The following KCNN2 variants were observed in gnomAD, a reference collection of about 807,000 sequenced individuals.
KCNN2 encodes small conductance calcium-activated potassium channel protein 2.
KCNN2 carries 24 observed loss-of-function variants against 55.5 expected under a neutral mutation model. The observed-to-expected ratio is 0.43, with a 90% CI of 0.31 to 0.61. The LOEUF is 0.61. Ranked by LOEUF, KCNN2 falls within the 20% of genes least tolerant of loss-of-function variation. The pLI, the probability that KCNN2 is intolerant of heterozygous loss-of-function variation, is 0.08. For synonymous variants in KCNN2, 431 were observed against 336.1 expected (o/e 1.28, Z -3.09); for missense variants, 754 against 853.6 (o/e 0.88, Z 1.45).
chr5:114,165,891 C>T (rs886715509), intron 1 of KCNN2, among the ~76,000 whole-genome samples: 2 of 151,992 alleles, frequency 1.3e-5, no homozygotes, highest in Non-Finnish European at 2.9e-5. Context: ...TGGGGGTTGG[C>T]GTCCCTAACC....
chr5:114,115,284 C>T (rs1751688186), intron 1 of KCNN2, among the ~76,000 whole-genome samples: 1 of 152,082 alleles, frequency 6.6e-6, no homozygotes, highest in Non-Finnish European at 1.5e-5. Context: ...TCCTTATTAA[C>T]TTGCTTTTTA....
chr5:114,238,971 C>T (rs969489912), intron 2 of KCNN2, among the ~76,000 whole-genome samples: 1 of 152,028 alleles, frequency 6.6e-6, no homozygotes, highest in African/African-American at 2.4e-5. Context: ...CATCTCATCT[C>T]CTGGTGGTAC....
At chr5:114,361,049 C>T (rs889621334), upstream of KCNN2, 10 of 152,444 alleles carry the variant, frequency 6.6e-5, no homozygotes, top group Admixed American at 4.6e-4. Flanking sequence ...GCAAGGAAGC[C>T]CTGGGACCTC....
intron 2 of KCNN2, among the ~76,000 whole-genome samples, chr5:114,223,821 G>C (rs1388595976): frequency 6.6e-6 from 1 of 152,176 alleles, no homozygotes; most frequent in Non-Finnish European, 1.5e-5. Context: ...TGCTGCCTCA[G>C]GAATGCAACA....
At chr5:114,256,809 T>A (rs1754991893) in intron 2 of KCNN2, among the ~76,000 whole-genome samples, 1 of 152,166 alleles carries the variant, frequency 6.6e-6, no homozygotes, top group African/African-American at 2.4e-5. Flanking sequence ...ACCCATTCTG[T>A]AAGTCATTTG....
chr5:114,405,702 T>G (rs1758908286), intron 3 of KCNN2, among the ~76,000 whole-genome samples: 1 of 127,624 alleles, frequency 7.8e-6, no homozygotes, highest in Non-Finnish European at 1.6e-5. Flanking sequence ...GTTTTTTTTG[T>G]TTTGTTTTGT....
intron 1 of KCNN2, among the ~76,000 whole-genome samples, chr5:114,210,980 T>C (rs577955643): frequency 1.4e-3 from 215 of 152,140 alleles, no homozygotes; most frequent in African/African-American, 4.8e-3. Context: ...ATATCACTGA[T>C]CATTAGAGAA....
chr5:114,252,103 C>T (rs563521444), intron 2 of KCNN2, among the ~76,000 whole-genome samples: 8 of 151,914 alleles, frequency 5.3e-5, no homozygotes, highest in Non-Finnish European at 7.4e-5. Context: ...GTCTTGAACT[C>T]CTGACCTCAA....
chr5:114,467,496 C>CT (rs1007044268), intron 4 of KCNN2, among the ~76,000 whole-genome samples: 9 of 152,180 alleles, frequency 5.9e-5, no homozygotes, highest in Non-Finnish European at 1.3e-4. Flanking sequence ...CTTTTTGGTT[C>CT]TTTCTGGTGC....
chr5:114,438,448 T>G (rs1760088817), intron 3 of KCNN2, among the ~76,000 whole-genome samples: 1 of 152,142 alleles, frequency 6.6e-6, no homozygotes, highest in African/African-American at 2.4e-5. Context: ...ATATTTCTGT[T>G]GCAACTTTTG....
intron 3 of KCNN2, among the ~76,000 whole-genome samples, chr5:114,444,541 A>C (rs1231273482): frequency 6.6e-6 from 1 of 152,158 alleles, no homozygotes; most frequent in East Asian, 1.9e-4. Flanking sequence ...CAGGCCAAAA[A>C]GAATGCTCAA....
At chr5:114,271,037 G>T (rs1047673451) in intron 2 of KCNN2, among the ~76,000 whole-genome samples, 16 of 152,120 alleles carry the variant, frequency 1.1e-4, no homozygotes, top group Non-Finnish European at 1.9e-4. Flanking sequence ...AAAGAACAAA[G>T]CTTCCACAGC....
At chr5:114,467,828 T>TTTTAATTGGCAGAGCTGCCCTTCCTA (rs1761527488) in intron 4 of KCNN2, among the ~76,000 whole-genome samples, 1 of 152,144 alleles carries the variant, frequency 6.6e-6, no homozygotes, top group African/African-American at 2.4e-5. Context: ...CTATCAGCAC[T>TTTTAATTGGCAGAGCTGCCCTTCCTA]TTTAATTGGC....
At chr5:114,067,884 T>C (rs533730526) in intron 1 of KCNN2, among the ~76,000 whole-genome samples, 2 of 152,350 alleles carry the variant, frequency 1.3e-5, no homozygotes, top group African/African-American at 4.8e-5. Context: ...TATATAGAGT[T>C]TTACCCCCTC....
intron 1 of KCNN2, among the ~76,000 whole-genome samples, chr5:114,140,870 C>T (rs1752265045): frequency 6.6e-6 from 1 of 151,262 alleles, no homozygotes; most frequent in South Asian, 2.1e-4. Flanking sequence ...CTCACTGCAA[C>T]CTCCACCTCC....
intron 2 of KCNN2, among the ~76,000 whole-genome samples, chr5:114,314,455 G>A (rs1756460472): frequency 6.6e-6 from 1 of 151,954 alleles, no homozygotes; most frequent in South Asian, 2.1e-4. Context: ...CCCTAAAAAT[G>A]TCCCATGTTT....
intron 1 of KCNN2, among the ~76,000 whole-genome samples, chr5:114,180,496 A>T (rs879347838): frequency 2.0e-5 from 3 of 152,292 alleles, no homozygotes; most frequent in Middle Eastern, 3.4e-3. Context: ...TTATTTTAAT[A>T]ATACTTTTAA....
At chr5:114,147,865 G>T (rs951529146) in intron 1 of KCNN2, among the ~76,000 whole-genome samples, 3 of 152,194 alleles carry the variant, frequency 2.0e-5, no homozygotes, top group African/African-American at 7.2e-5. Context: ...TACAGAAAAG[G>T]AGTGGCTTGT....
chr5:114,277,845 T>C (rs1755523478), intron 2 of KCNN2, among the ~76,000 whole-genome samples: 1 of 152,192 alleles, frequency 6.6e-6, no homozygotes, highest in Admixed American at 6.5e-5. Context: ...TCTGTCAACA[T>C]GTCAAACTCA....
Sources: gnomAD v4.1 joint callset for allele counts (sites outside exome capture counted in the v4.1 genomes callset) on GRCh38, gnomAD v4.1.1 for gene constraint, MANE v1.5 for transcripts, NCBI Gene and HGNC (gene_info 2026-07-23, HGNC 2026-07-21) for gene names.